Variants in GRIN2A observed in about 807,000 individuals in gnomAD.
GRIN2A encodes the protein glutamate receptor ionotropic, NMDA 2A.
A neutral mutation model predicts 113.4 loss-of-function variants in GRIN2A; 22 were observed. The ratio of observed to expected loss-of-function variants is 0.19; its 90% confidence interval spans 0.14 to 0.28. The LOEUF (loss-of-function observed/expected upper bound fraction) is 0.28. Ranked by LOEUF, GRIN2A falls within the 10% of genes least tolerant of loss-of-function variation. GRIN2A has a pLI of 1.00. For synonymous variants in GRIN2A, 827 were observed against 738.4 expected (o/e 1.12, Z -1.94); for missense variants, 1,502 against 1,887.0 (o/e 0.80, Z 3.78).
In GRIN2A at chr16:9,798,386, G is replaced by A. The variant is rs202026070; in HGVS notation, c.2247C>T (p.Thr749=). The change falls in exon 11 of 13, where the codon ACC becomes ACT. Residue 749 remains threonine, a synonymous_variant. Coordinates refer to ENST00000330684, the MANE Select transcript of GRIN2A (RefSeq NM_001134407.3). ...AGRDEGCKLV[T]IGSGYIFATT... ...TGGCAAAGATGTACCCACTCCCGAT[G>A]GTCACCAGCTTGCAGCCTTCATCCC... 8 of 1,613,842 alleles carry A rather than the reference G, an allele frequency of 5.0e-6. No individual in the cohort carries two copies. The African/African-American group carries it at 8.0e-5, about 16-fold the overall frequency.
At chr16:9,846,758 C>T (rs904062104) in intron 5 of GRIN2A, among the ~76,000 whole-genome samples, 1 of 152,170 alleles carries the variant, frequency 6.6e-6, no homozygotes, top group Admixed American at 6.5e-5. Context: ...GACGCAGGAG[C>T]TACACTTAAA....
chr16:9,789,502 T>A (rs1019005809), intron 11 of GRIN2A, among the ~76,000 whole-genome samples: 109 of 151,726 alleles, frequency 7.2e-4, no homozygotes, highest in African/African-American at 2.6e-3. Context: ...CTGTCTGAGT[T>A]TAGAGAATTT....
Position 9,961,920 on chromosome 16 carries a change from C to A in GRIN2A, c.415-23369G>T, listed in dbSNP as rs541034915. On this transcript the variant is annotated intron_variant, in intron 2 of 12. Coordinates refer to ENST00000330684, the MANE Select transcript of GRIN2A (RefSeq NM_001134407.3). ...AACCAAAACAGCATGGTACTGGTAC[C>A]AAAACAGAACAGAACAGAGCCCTCA... 6.6e-5 allele frequency among the ~76,000 whole-genome samples: 10 copies of A among 151,882 alleles called. No individual in the cohort carries two copies. In the East Asian group the frequency reaches 1.5e-3, roughly 24 times the overall value.
chr16:9,977,037 C>T (rs962118525), intron 2 of GRIN2A, among the ~76,000 whole-genome samples: 2 of 152,186 alleles, frequency 1.3e-5, no homozygotes, highest in African/African-American at 4.8e-5. Context: ...GTTGACTCTC[C>T]ACCTTCTCTA....
intron 2 of GRIN2A, among the ~76,000 whole-genome samples, chr16:10,146,159 C>A (rs2049435005): frequency 6.6e-6 from 1 of 152,132 alleles, no homozygotes; most frequent in Non-Finnish European, 1.5e-5. Flanking sequence ...GCTCTGTCGC[C>A]CAGACTGGAG....
intron 4 of GRIN2A, among the ~76,000 whole-genome samples, chr16:9,870,813 A>T (rs1158204194): frequency 6.6e-6 from 1 of 151,354 alleles, no homozygotes; most frequent in Non-Finnish European, 1.5e-5. Context: ...AATTTTTTGT[A>T]TTTTAGTAGA....
chr16:10,138,174 G>A (rs964332648), intron 2 of GRIN2A, among the ~76,000 whole-genome samples: 2 of 152,172 alleles, frequency 1.3e-5, no homozygotes, highest in African/African-American at 2.4e-5. Context: ...TTTCCATCAA[G>A]CCTAAATCAT....
intron 4 of GRIN2A, among the ~76,000 whole-genome samples, chr16:9,870,200 A>C (rs756375069): frequency 1.8e-3 from 268 of 152,304 alleles, no homozygotes; most frequent in Non-Finnish European, 2.9e-3. Flanking sequence ...CCTGGCAATT[A>C]TTTTTAATTC....
At chr16:10,027,336 C>A (rs12935101) in intron 2 of GRIN2A, among the ~76,000 whole-genome samples, 98,650 of 151,952 alleles carry the variant, frequency 0.65, 33,045 homozygotes, top group Middle Eastern at 0.8. Context: ...GCTATCAAGA[C>A]AACCCAAGTA....
intron 9 of GRIN2A, among the ~76,000 whole-genome samples, chr16:9,826,282 C>G (rs1019190599): frequency 6.6e-6 from 1 of 152,136 alleles, no homozygotes; most frequent in Non-Finnish European, 1.5e-5. Context: ...AATCTGCCTC[C>G]CAGAGATGGA....
At chr16:9,814,031 A>G (rs2042140447) in intron 10 of GRIN2A, among the ~76,000 whole-genome samples, 2 of 152,198 alleles carry the variant, frequency 1.3e-5, no homozygotes, top group Non-Finnish European at 1.5e-5. Context: ...ACTGAACCTC[A>G]GTGACAACCC....
At chr16:9,902,940 GTT>G (rs34185441) in intron 3 of GRIN2A, among the ~76,000 whole-genome samples, 7,904 of 49,670 alleles carry the variant, frequency 0.16, 281 homozygotes, top group African/African-American at 0.29. Flanking sequence ...TCTTGGTTCT[GTT>G]TTTTTTTTTT....
intron 2 of GRIN2A, among the ~76,000 whole-genome samples, chr16:10,009,468 A>C (rs1351576890): frequency 6.6e-6 from 1 of 152,082 alleles, no homozygotes; most frequent in Non-Finnish European, 1.5e-5. Flanking sequence ...AGTATGCGCC[A>C]CTCGAAACCA....
intron 2 of GRIN2A, among the ~76,000 whole-genome samples, chr16:10,149,735 C>T (rs972371664): frequency 1.3e-5 from 2 of 152,202 alleles, no homozygotes; most frequent in Non-Finnish European, 2.9e-5. Flanking sequence ...CTGGTGCCCC[C>T]TATCCCCTCC....
At chr16:9,784,063 C>A (rs939319459) in intron 11 of GRIN2A, among the ~76,000 whole-genome samples, 4 of 152,138 alleles carry the variant, frequency 2.6e-5, no homozygotes, top group Admixed American at 1.3e-4. Context: ...GTACAACAAA[C>A]CCCCATGACA....
At chr16:10,066,989 C>T (rs749177177) in intron 2 of GRIN2A, among the ~76,000 whole-genome samples, 57 of 152,206 alleles carry the variant, frequency 3.7e-4, no homozygotes, top group Non-Finnish European at 4.4e-4. Context: ...CACCAGCACA[C>T]TCCCTAGCTC....
chr16:9,968,634 T>G (rs1241700598), intron 2 of GRIN2A, among the ~76,000 whole-genome samples: 1 of 151,106 alleles, frequency 6.6e-6, no homozygotes, highest in Non-Finnish European at 1.5e-5. Flanking sequence ...TTTGACAGAG[T>G]TTTGCTCTTG....
chr16:9,809,361 C>G (rs1431227073), intron 10 of GRIN2A, among the ~76,000 whole-genome samples: 1 of 151,960 alleles, frequency 6.6e-6, no homozygotes, highest in African/African-American at 2.4e-5. Flanking sequence ...ACCTGGGAGG[C>G]AGAGGTTGCA....
At chr16:9,854,992 T>TTGTGTGTGTGTGTG (rs3831730) in intron 4 of GRIN2A, among the ~76,000 whole-genome samples, 86 of 147,556 alleles carry the variant, frequency 5.8e-4, no homozygotes, top group African/African-American at 2.1e-3. Flanking sequence ...GCAAGCACGC[T>TTGTGTGTGTGTGTG]TGTGTGTGTG....
Sources: allele counts gnomAD v4.1 joint callset (sites outside exome capture counted in the v4.1 genomes callset), GRCh38; gene constraint gnomAD v4.1.1; transcripts MANE v1.5; gene names NCBI Gene and HGNC (gene_info 2026-07-23, HGNC 2026-07-21).